The following LPP variants were observed in gnomAD, a reference collection of about 807,000 sequenced individuals.
LPP encodes LIM domain containing preferred translocation partner in lipoma.
LPP carries 38 observed loss-of-function variants against 60.4 expected under a neutral mutation model. The observed-to-expected ratio is 0.63, with a 90% confidence interval of 0.49 to 0.83. LPP has a LOEUF of 0.83. Among genes scored for constraint, LPP ranks in the 40% least tolerant of loss-of-function variants. The pLI, the probability that LPP is intolerant of heterozygous loss-of-function variation, is 0.00. For synonymous variants in LPP, 328 were observed against 290.8 expected (o/e 1.13, Z -1.30); for missense variants, 902 against 783.6 (o/e 1.15, Z -1.80).
At chr3:188,545,979 A>C (rs1826545314) in intron 6 of LPP, among the ~76,000 whole-genome samples, 1 of 152,124 alleles carries the variant, frequency 6.6e-6, no homozygotes, top group African/African-American at 2.4e-5. Context: ...ATTTTATTGC[A>C]TTGTATCACA....
At chr3:188,420,837 G>A (rs1435680202) in intron 4 of LPP, among the ~76,000 whole-genome samples, 1 of 152,156 alleles carries the variant, frequency 6.6e-6, no homozygotes, top group African/African-American at 2.4e-5. Flanking sequence ...AGTAACTACA[G>A]TAGAAAGTGT....
chr3:188,578,721 C>T (rs1835352032), intron 6 of LPP, among the ~76,000 whole-genome samples: 2 of 151,878 alleles, frequency 1.3e-5, no homozygotes, highest in African/African-American at 4.8e-5. Flanking sequence ...GAGTTAGTTC[C>T]TCATCCGTCC....
intron 7 of LPP, among the ~76,000 whole-genome samples, chr3:188,616,474 T>C (rs1259948420): frequency 6.6e-6 from 1 of 152,188 alleles, no homozygotes; most frequent in Non-Finnish European, 1.5e-5. Context: ...TACCATGTTG[T>C]TTTGGTTACT....
intron 4 of LPP, among the ~76,000 whole-genome samples, chr3:188,414,544 A>G (rs1046393752): frequency 2.0e-5 from 3 of 152,306 alleles, no homozygotes; most frequent in Middle Eastern, 3.4e-3. Flanking sequence ...TACTCATGTC[A>G]TTAGCTTCTA....
At chr3:188,391,288 G>A (rs954286475) in intron 3 of LPP, among the ~76,000 whole-genome samples, 2 of 152,182 alleles carry the variant, frequency 1.3e-5, no homozygotes, top group African/African-American at 4.8e-5. Flanking sequence ...GTTGTAGCAT[G>A]CCTCTTCCCC....
chr3:188,457,149 A>T (rs1281769065), intron 4 of LPP, among the ~76,000 whole-genome samples: 1 of 152,218 alleles, frequency 6.6e-6, no homozygotes, highest in Non-Finnish European at 1.5e-5. Context: ...CTGCTCAAAA[A>T]TGGAGCAGAG....
intron 2 of LPP, among the ~76,000 whole-genome samples, chr3:188,259,822 C>T (rs1409237049): frequency 6.6e-6 from 1 of 152,076 alleles, no homozygotes; most frequent in East Asian, 1.9e-4. Context: ...TACAGAATAT[C>T]CCCTGCAGGC....
intron 1 of LPP, among the ~76,000 whole-genome samples, chr3:188,194,535 A>G (rs1480425165): frequency 1.3e-5 from 2 of 152,204 alleles, no homozygotes; most frequent in African/African-American, 4.8e-5. Context: ...TACTAACCTC[A>G]GTGCGATGAC....
chr3:188,207,174 C>T (rs1399037959), intron 1 of LPP, among the ~76,000 whole-genome samples: 2 of 150,290 alleles, frequency 1.3e-5, no homozygotes, highest in African/African-American at 4.9e-5. Flanking sequence ...TATTTCTATC[C>T]ATCTGCCCAC....
At chr3:188,729,338 A>T (rs78389138) in intron 8 of LPP, among the ~76,000 whole-genome samples, 1 of 152,300 alleles carries the variant, frequency 6.6e-6, no homozygotes, top group African/African-American at 2.4e-5. Flanking sequence ...CATAGGAAGG[A>T]TGTTTTGGAT....
chr3:188,843,270 T>C (rs1297684351), intron 9 of LPP, among the ~76,000 whole-genome samples: 2 of 152,182 alleles, frequency 1.3e-5, no homozygotes, highest in Non-Finnish European at 2.9e-5. Context: ...CCTTTGCTTC[T>C]CACAGCAGTC....
At chr3:188,552,758 T>A (rs1205711270) in intron 6 of LPP, among the ~76,000 whole-genome samples, 1 of 152,226 alleles carries the variant, frequency 6.6e-6, no homozygotes. Context: ...TAAGAACTCA[T>A]GTGATTAGAT....
rs910779802 is a variant in LPP, at chr3:188,538,663, C to T, written c.429+13876C>T. ...TGGTCATAGTTACCACATGACCAAG[C>T]AATTATATTTCTATTTATGTATCCA... On this transcript the variant is annotated intron_variant, in intron 6 of 11. Transcript: ENST00000617246. Among the ~76,000 whole-genome samples the T allele has an allele frequency of 2.6e-5, 4 of 152,256 alleles. No individual in the cohort carries two copies. In the East Asian group the frequency reaches 7.7e-4, roughly 29 times the overall value.
chr3:188,420,717 C>G (rs976680956), intron 4 of LPP, among the ~76,000 whole-genome samples: 7 of 152,134 alleles, frequency 4.6e-5, no homozygotes, highest in Non-Finnish European at 7.3e-5. Context: ...ACCAGTCTCT[C>G]AAGCCAGTTA....
At chr3:188,521,344 G>A (rs1180239514) in intron 5 of LPP, among the ~76,000 whole-genome samples, 1 of 152,094 alleles carries the variant, frequency 6.6e-6, no homozygotes, top group Non-Finnish European at 1.5e-5. Context: ...ACTAATTGAT[G>A]TCTTACAAGC....
chr3:188,271,823 T>A (rs934957040), intron 2 of LPP, among the ~76,000 whole-genome samples: 6 of 152,176 alleles, frequency 3.9e-5, no homozygotes, highest in African/African-American at 1.4e-4. Context: ...AGGAAAATAT[T>A]CCAGCATTGG....
intron 2 of LPP, among the ~76,000 whole-genome samples, chr3:188,241,017 A>G (rs1724459534): frequency 6.6e-6 from 1 of 152,166 alleles, no homozygotes; most frequent in Admixed American, 6.5e-5. Context: ...GCATAGTCTA[A>G]AGTGATGATT....
intron 3 of LPP, among the ~76,000 whole-genome samples, chr3:188,364,300 G>C (rs1196083864): frequency 3.3e-5 from 5 of 152,096 alleles, no homozygotes; most frequent in African/African-American, 1.2e-4. Flanking sequence ...TTCTGCCCTG[G>C]AATCTTTTTG....
chr3:188,286,611 T>G (rs949612231), intron 2 of LPP, among the ~76,000 whole-genome samples: 1 of 152,196 alleles, frequency 6.6e-6, no homozygotes, highest in Non-Finnish European at 1.5e-5. Flanking sequence ...TGTTAGTTTC[T>G]GAAATTTAAA....
Sources: allele counts gnomAD v4.1 joint callset (sites outside exome capture counted in the v4.1 genomes callset), GRCh38; gene constraint gnomAD v4.1.1; transcripts MANE v1.5; gene names NCBI Gene and HGNC (gene_info 2026-07-23, HGNC 2026-07-21).